Variants in RPS6KA2 observed in about 807,000 individuals in gnomAD.
The protein encoded by RPS6KA2 is ribosomal protein S6 kinase A2.
Under a neutral mutation model 91.8 loss-of-function variants are expected in RPS6KA2, and 42 were observed. The ratio of observed to expected loss-of-function variants is 0.46; its 90% confidence interval spans 0.36 to 0.59. RPS6KA2 has a LOEUF of 0.59. RPS6KA2 is among the 20% of genes least tolerant of loss of function. The pLI is 0.00. For missense variants in RPS6KA2, 798 were observed against 978.5 expected, an observed-to-expected ratio of 0.82 and a Z score of 2.46; for synonymous variants, 414 against 393.6, an observed-to-expected ratio of 1.05 and a Z score of -0.61.
intron 3 of RPS6KA2, among the ~76,000 whole-genome samples, chr6:166,524,443 C>T (rs1423050586): frequency 2.0e-5 from 3 of 152,100 alleles, no homozygotes; most frequent in East Asian, 1.9e-4. Context: ...CTGTGTTCTC[C>T]GTGCAGGCAC....
At chr6:166,796,764 G>C (rs1038564702) in intron 2 of RPS6KA2, among the ~76,000 whole-genome samples, 1 of 152,114 alleles carries the variant, frequency 6.6e-6, no homozygotes, top group African/African-American at 2.4e-5. Flanking sequence ...GCACAGTCCT[G>C]AGTGCACGCA....
intron 10 of RPS6KA2, among the ~76,000 whole-genome samples, chr6:166,473,076 C>A (rs1780830969): frequency 6.6e-6 from 1 of 152,166 alleles, no homozygotes; most frequent in Non-Finnish European, 1.5e-5. Context: ...GGGGCGTCAC[C>A]TAATGTGTTT....
At chr6:166,720,271 T>A (rs1790135646) in intron 2 of RPS6KA2, among the ~76,000 whole-genome samples, 1 of 152,208 alleles carries the variant, frequency 6.6e-6, no homozygotes, top group Non-Finnish European at 1.5e-5. Context: ...GTGCTTGGAA[T>A]GCACTATTTA....
chr6:166,816,133 T>C (rs1378957311), intron 2 of RPS6KA2, among the ~76,000 whole-genome samples: 2 of 152,198 alleles, frequency 1.3e-5, no homozygotes, highest in African/African-American at 4.8e-5. Flanking sequence ...TACAGCATTA[T>C]ATAAGCAAAA....
rs1779211993 is a variant in RPS6KA2, at chr6:166,433,782, TCTCA to T, written c.1333-1296_1333-1293del. On this transcript the variant is annotated intron_variant, in intron 14 of 20. Coordinates refer to ENST00000265678, the MANE Select transcript of RPS6KA2 (RefSeq NM_021135.6). This position sits in a 1 kb window ranked among gnomAD's most constrained non-coding sequence, Gnocchi z 4.4. ...TCGTTAATTTTTTTTGGAGACAGGG[TCTCA>T]CTCTGTTGCCTAGGTTGGAATACAG... 6.6e-6 allele frequency among the ~76,000 whole-genome samples: 1 copy of T among 152,156 alleles called. No individual in the cohort carries two copies. Among genetic ancestry groups the T allele is most frequent in the African/African-American group, 2.4e-5 (1 of 41,432 alleles).
chr6:166,815,312 C>T (rs756345011), intron 2 of RPS6KA2, among the ~76,000 whole-genome samples: 5 of 152,206 alleles, frequency 3.3e-5, no homozygotes, highest in Non-Finnish European at 7.3e-5. Context: ...GTCACTGAGG[C>T]ACAGGGCACT....
intron 1 of RPS6KA2, among the ~76,000 whole-genome samples, chr6:166,578,953 T>C (rs1784923690): frequency 6.6e-6 from 1 of 152,178 alleles, no homozygotes; most frequent in Non-Finnish European, 1.5e-5. Flanking sequence ...TCAACTGCAC[T>C]CAGAGAGACC....
upstream of RPS6KA2, among the ~76,000 whole-genome samples, chr6:166,631,239 A>C (rs995812626): frequency 6.6e-6 from 1 of 152,236 alleles, no homozygotes. Flanking sequence ...AGGAAATGGA[A>C]TTTACATTTG....
intron 2 of RPS6KA2, among the ~76,000 whole-genome samples, chr6:166,698,348 G>T (rs140646789): frequency 0.01 from 1,565 of 152,282 alleles, 15 homozygotes; most frequent in Non-Finnish European, 0.018. Context: ...AAAAACTTCT[G>T]TCTGGTGGGA....
rs1192907909 is a variant in RPS6KA2 at position 166,626,089 on chromosome 6, T to C, written c.99+832A>G. ...CGAAATCTTTGGGTCCCAGCCTCAG[T>C]CTCCCCATCACCATGTCTTTTTCAC... On this transcript the variant is annotated intron_variant, in intron 1 of 20. Transcript: ENST00000265678. The surrounding 1 kb of genome is among the most constrained non-coding windows in gnomAD (Gnocchi z 4.1). Among the ~76,000 whole-genome samples the C allele has an allele frequency of 2.6e-5, 4 of 152,206 alleles. No individual in the cohort carries two copies. Among genetic ancestry groups the C allele is most frequent in the African/African-American group, 9.7e-5 (4 of 41,442 alleles).
At chr6:166,602,591 CAAGA>C (rs1785784230) in intron 1 of RPS6KA2, among the ~76,000 whole-genome samples, 2 of 152,306 alleles carry the variant, frequency 1.3e-5, no homozygotes, top group Non-Finnish European at 1.5e-5. Context: ...CAACCTGGAA[CAAGA>C]CGCATTCATG....
intron 10 of RPS6KA2, among the ~76,000 whole-genome samples, chr6:166,485,773 G>T (rs1357486252): frequency 6.6e-6 from 1 of 152,212 alleles, no homozygotes; most frequent in Non-Finnish European, 1.5e-5. Flanking sequence ...TGGGAAAACT[G>T]CAGTGAAACG....
At chr6:166,694,433 A>G (rs1282224706) in intron 2 of RPS6KA2, among the ~76,000 whole-genome samples, 1 of 152,220 alleles carries the variant, frequency 6.6e-6, no homozygotes, top group Non-Finnish European at 1.5e-5. Flanking sequence ...TCACTACTCC[A>G]GTGATTCTTG....
chr6:166,842,263 C>T (rs1450916075), intron 2 of RPS6KA2, among the ~76,000 whole-genome samples: 1 of 152,296 alleles, frequency 6.6e-6, no homozygotes, highest in East Asian at 1.9e-4. Flanking sequence ...GAAATGTGGC[C>T]TTGTTTGGAA....
chr6:166,614,926 C>T (rs1786348896), intron 1 of RPS6KA2, among the ~76,000 whole-genome samples: 1 of 152,160 alleles, frequency 6.6e-6, no homozygotes, highest in Non-Finnish European at 1.5e-5. Flanking sequence ...CCTACAAAGC[C>T]CATTTTGCCA....
At chr6:166,674,317 C>T (rs893735837) in intron 2 of RPS6KA2, among the ~76,000 whole-genome samples, 4 of 152,084 alleles carry the variant, frequency 2.6e-5, no homozygotes, top group African/African-American at 4.8e-5. Flanking sequence ...GGCAGGTGGG[C>T]GCTGGGCAGA....
chr6:166,537,588 G>A (rs529084919), intron 2 of RPS6KA2, among the ~76,000 whole-genome samples: 1 of 151,640 alleles, frequency 6.6e-6, no homozygotes, highest in African/African-American at 2.4e-5. Context: ...CCAGAACACC[G>A]ATGTACTATT....
intron 2 of RPS6KA2, among the ~76,000 whole-genome samples, chr6:166,851,629 G>A (rs972011346): frequency 1.3e-5 from 2 of 152,168 alleles, no homozygotes; most frequent in South Asian, 2.1e-4. Context: ...CTCAGACCAC[G>A]GGACACAGTC....
rs1252400527 is a variant in RPS6KA2 at position 166,437,884 on chromosome 6, C to T, written c.1333-5394G>A. Among the ~76,000 whole-genome samples the T allele has an allele frequency of 6.6e-6, 1 of 152,144 alleles. No individual in the cohort carries two copies. Among genetic ancestry groups the T allele is most frequent in the Admixed American group, 6.5e-5 (1 of 15,284 alleles). ...TCTCGATACACCTTTCTGGTCTTTG[C>T]GTTTCTCTACCTTCCCTGTCTTTCT... On this transcript the variant is annotated intron_variant, in intron 14 of 20. Transcript: ENST00000265678. This position sits in a 1 kb window ranked among gnomAD's most constrained non-coding sequence, Gnocchi z 4.3.
Sources: allele counts gnomAD v4.1 joint callset (sites outside exome capture counted in the v4.1 genomes callset), GRCh38; gene constraint gnomAD v4.1.1; non-coding constraint Gnocchi (gnomAD v3.1); transcripts MANE v1.5; gene names NCBI Gene and HGNC (gene_info 2026-07-23, HGNC 2026-07-21).